Variants in ADGRL3 observed in about 807,000 individuals in gnomAD.
ADGRL3 encodes the protein adhesion G protein-coupled receptor L3.
A neutral mutation model predicts 153.5 loss-of-function variants in ADGRL3; 62 were observed. That is an observed-to-expected ratio of 0.40 (90% CI 0.33 to 0.50). The LOEUF (loss-of-function observed/expected upper bound fraction) is 0.50, where lower values mean the gene tolerates loss of function less well. Ranked by LOEUF, ADGRL3 falls within the 20% of genes least tolerant of loss-of-function variation. ADGRL3 has a pLI of 0.47. For synonymous variants in ADGRL3, 710 were observed against 672.5 expected (o/e 1.06, Z -0.86); for missense variants, 1,641 against 1,859.4 (o/e 0.88, Z 2.16).
At chr4:61,835,870 A>G (rs1487843287) in intron 9 of ADGRL3, among the ~76,000 whole-genome samples, 2 of 152,178 alleles carry the variant, frequency 1.3e-5, no homozygotes, top group Non-Finnish European at 2.9e-5. Context: ...GGCAGTTTCT[A>G]TTGTTTTTCC....
At position 61,367,466 on chromosome 4, in the gene ADGRL3, C is replaced by A. The variant is rs966027902; in HGVS notation, c.-239-15658C>A. 3.3e-5 allele frequency among the ~76,000 whole-genome samples: 5 copies of A among 151,474 alleles called. No homozygotes were observed. In the South Asian group the frequency reaches 1.0e-3, roughly 32 times the overall value. On this transcript the variant is annotated intron_variant, in intron 1 of 26. Coordinates refer to ENST00000683033, the MANE Select transcript of ADGRL3 (RefSeq NM_001387552.1). ...TGTGTTCTCATTGTTCAATTCCCAC[C>A]TATGAGTGAGAATATGCGGTGTTTG...
At chr4:61,439,242 G>T (rs542962813) in intron 2 of ADGRL3, among the ~76,000 whole-genome samples, 3 of 152,222 alleles carry the variant, frequency 2.0e-5, no homozygotes, top group East Asian at 3.9e-4. Flanking sequence ...GAATCTATCT[G>T]AGATTTATTA....
At chr4:61,412,522 G>T (rs2097099883) in intron 2 of ADGRL3, among the ~76,000 whole-genome samples, 1 of 152,206 alleles carries the variant, frequency 6.6e-6, no homozygotes, top group Non-Finnish European at 1.5e-5. Context: ...ATTAAGACAT[G>T]AACAACTTTG....
chr4:61,392,153 G>GC lies in ADGRL3; in HGVS notation c.-174+8970dup, dbSNP rs371482282. Among the ~76,000 whole-genome samples the GC allele has an allele frequency of 6.2e-3, 940 of 151,470 alleles. 12 individuals carry two copies. The highest frequency in any genetic ancestry group is 0.021 in the African/African-American group (866 of 41,352). On this transcript the variant is annotated intron_variant, in intron 2 of 26. Transcript: ENST00000683033. ...CAAAGTGCTGGGATTACAGGCGTGA[G>GC]CCCCCCTGCCCGGCCAAAATGCTAC... is the stretch of plus-strand genomic sequence containing the variant.
intron 9 of ADGRL3, among the ~76,000 whole-genome samples, chr4:61,890,703 T>A (rs2098573234): frequency 6.6e-6 from 1 of 152,200 alleles, no homozygotes; most frequent in Non-Finnish European, 1.5e-5. Flanking sequence ...ACACTGGGGA[T>A]GAAGTTTCTA....
Position 61,913,650 on chromosome 4 carries a change from TAA to T in ADGRL3, c.2112+894_2112+895del, listed in dbSNP as rs1050273659. Among the ~76,000 whole-genome samples the T allele has an allele frequency of 1.1e-4, 17 of 152,266 alleles. 1 individual carries two copies. Among genetic ancestry groups the T allele is most frequent in the African/African-American group, 3.6e-4 (15 of 41,568 alleles). On this transcript the variant is annotated intron_variant, in intron 13 of 26. Coordinates refer to ENST00000683033, the MANE Select transcript of ADGRL3 (RefSeq NM_001387552.1). ...GTTTACTTTTTTTAACCAAAACTCT[TAA>T]GTTAGGTTGATATAAATAGTAAAAA...
intron 8 of ADGRL3, among the ~76,000 whole-genome samples, chr4:61,777,716 A>G (rs533383436): frequency 3.2e-4 from 48 of 152,298 alleles, no homozygotes; most frequent in African/African-American, 1.1e-3. Flanking sequence ...CTACTGTGAA[A>G]ATAAAACTGC....
chr4:61,428,860 TATCTATCTATCTATATC>T (rs1295166267), intron 2 of ADGRL3, among the ~76,000 whole-genome samples: 6,353 of 131,328 alleles, frequency 0.048, 208 homozygotes, highest in Middle Eastern at 0.073. Flanking sequence ...TCTATCTATC[TATCTATCTATCTATATC>T]ATCTATCTAT....
intron 11 of ADGRL3, chr4:61,906,308 G>A (rs2098695422): frequency 6.6e-6 from 1 of 151,996 alleles, no homozygotes; most frequent in East Asian, 1.9e-4. Context: ...ATATTTCATG[G>A]TATGGGCTGA....
At chr4:61,500,567 T>G (rs2098376611) in intron 3 of ADGRL3, among the ~76,000 whole-genome samples, 1 of 152,168 alleles carries the variant, frequency 6.6e-6, no homozygotes, top group Non-Finnish European at 1.5e-5. Flanking sequence ...TAGAAGTACT[T>G]TTGGTTCCAA....
intron 11 of ADGRL3, among the ~76,000 whole-genome samples, chr4:61,908,469 C>T (rs150618556): frequency 0.013 from 1,989 of 151,764 alleles, 52 homozygotes; most frequent in African/African-American, 0.046. Flanking sequence ...TGGTGGCGGG[C>T]GCCTGTAATC....
intron 9 of ADGRL3, among the ~76,000 whole-genome samples, chr4:61,826,271 A>C (rs573332139): frequency 1.3e-5 from 2 of 152,162 alleles, no homozygotes; most frequent in Non-Finnish European, 2.9e-5. Context: ...GTTGGCCATT[A>C]TTACAGTTGA....
intron 17 of ADGRL3, among the ~76,000 whole-genome samples, chr4:61,961,364 G>C (rs2098987129): frequency 6.6e-6 from 1 of 152,184 alleles, no homozygotes; most frequent in African/African-American, 2.4e-5. Context: ...AATGGGCAGA[G>C]AAAGGGTATT....
At chr4:61,206,418 A>G (rs1737218505) in intron 1 of ADGRL3, among the ~76,000 whole-genome samples, 1 of 152,164 alleles carries the variant, frequency 6.6e-6, no homozygotes, top group African/African-American at 2.4e-5. Flanking sequence ...AGTGTTTTCA[A>G]AGTGTCCTCT....
intron 5 of ADGRL3, among the ~76,000 whole-genome samples, chr4:61,624,925 A>C (rs1367165528): frequency 6.6e-6 from 1 of 152,114 alleles, no homozygotes; most frequent in African/African-American, 2.4e-5. Context: ...TTAAAATTAC[A>C]CTATTGTAGT....
chr4:61,606,384 G>A (rs767491239), intron 5 of ADGRL3, among the ~76,000 whole-genome samples: 1 of 152,148 alleles, frequency 6.6e-6, no homozygotes, highest in Non-Finnish European at 1.5e-5. Context: ...CCAGAGATTG[G>A]GTGGCTTGAA....
chr4:61,458,304 TA>T (rs1213907173), intron 2 of ADGRL3, among the ~76,000 whole-genome samples: 1 of 151,444 alleles, frequency 6.6e-6, no homozygotes, highest in Non-Finnish European at 1.5e-5. Context: ...ATGTTTTTAA[TA>T]TTTTTAAATG....
intron 5 of ADGRL3, among the ~76,000 whole-genome samples, chr4:61,642,999 T>C (rs1289369287): frequency 6.6e-6 from 1 of 152,212 alleles, no homozygotes; most frequent in Non-Finnish European, 1.5e-5. Flanking sequence ...GAAGAGGTCC[T>C]TCACGTCCCT....
chr4:61,322,781 C>G (rs554765444), intron 1 of ADGRL3, among the ~76,000 whole-genome samples: 2 of 152,314 alleles, frequency 1.3e-5, no homozygotes, highest in African/African-American at 4.8e-5. Flanking sequence ...CACAAGCTGG[C>G]ATTGAGTGCA....
Sources: gnomAD v4.1 joint callset for allele counts (sites outside exome capture counted in the v4.1 genomes callset) on GRCh38, gnomAD v4.1.1 for gene constraint, MANE v1.5 for transcripts, NCBI Gene and HGNC (gene_info 2026-07-23, HGNC 2026-07-21) for gene names.